The following RORA variants were observed in gnomAD, a reference collection of about 807,000 sequenced individuals.
RORA encodes RAR related orphan receptor A.
Under a neutral mutation model 69.5 loss-of-function variants are expected in RORA, and 7 were observed. That is an observed-to-expected ratio of 0.10 (90% CI 0.06 to 0.19). The LOEUF (loss-of-function observed/expected upper bound fraction) is 0.19, where lower values mean the gene tolerates loss of function less well. RORA is among the 10% of genes least tolerant of loss of function. The pLI, the probability that RORA is intolerant of heterozygous loss-of-function variation, is 1.00. For synonymous variants in RORA, 261 were observed against 240.8 expected, an observed-to-expected ratio of 1.08 and a Z score of -0.78; for missense variants, 457 against 663.0, an observed-to-expected ratio of 0.69 and a Z score of 3.41.
At chr15:61,190,923 T>G (rs994237826) in intron 1 of RORA, among the ~76,000 whole-genome samples, 4 of 151,988 alleles carry the variant, frequency 2.6e-5, no homozygotes, top group Non-Finnish European at 5.9e-5. Flanking sequence ...TGGCTTTCCT[T>G]AAAAACTAAA....
chr15:61,146,483 C>T (rs534796703), intron 1 of RORA, among the ~76,000 whole-genome samples: 131 of 151,082 alleles, frequency 8.7e-4, no homozygotes, highest in African/African-American at 2.1e-3. Flanking sequence ...CACACACACA[C>T]GCACACACAG....
intron 1 of RORA, among the ~76,000 whole-genome samples, chr15:60,853,395 T>C (rs931869710): frequency 4.6e-5 from 7 of 152,202 alleles, no homozygotes; most frequent in African/African-American, 1.7e-4. Context: ...ATGGAGTGAC[T>C]GTAACCTTTT....
chr15:60,528,896 A>T (rs999775327), intron 3 of RORA: 1 of 152,192 alleles, frequency 6.6e-6, no homozygotes, highest in Non-Finnish European at 1.5e-5. Flanking sequence ...TGGGATTTCA[A>T]CTCGGGCAGT....
chr15:60,631,972 G>A (rs2069746794), intron 2 of RORA, among the ~76,000 whole-genome samples: 1 of 152,152 alleles, frequency 6.6e-6, no homozygotes, highest in Admixed American at 6.5e-5. Flanking sequence ...TAGAAGGTGG[G>A]TATACTTTTA....
At chr15:60,964,792 C>T (rs1893505885) in intron 1 of RORA, among the ~76,000 whole-genome samples, 1 of 152,170 alleles carries the variant, frequency 6.6e-6, no homozygotes, top group Non-Finnish European at 1.5e-5. Flanking sequence ...AAGAGCGCCA[C>T]AGTTGCTGAT....
chr15:60,501,096 T>G (rs767357553), intron 8 of RORA, 27 bp from the exon 9 acceptor site: 1 of 1,354,360 alleles, frequency 7.4e-7, no homozygotes, highest in Non-Finnish European at 1.0e-6. Context: ...AAAGACAGTT[T>G]AGAATTTTGA....
At chr15:61,110,729 T>A (rs2140782118) in intron 1 of RORA, among the ~76,000 whole-genome samples, 1 of 152,304 alleles carries the variant, frequency 6.6e-6, no homozygotes, top group East Asian at 1.9e-4. Context: ...CCTAGAACTC[T>A]CTTCCACTAC....
chr15:60,849,419 G>A lies in RORA; in HGVS notation c.167-170733C>T, dbSNP rs567369345. 3.5e-4 allele frequency among the ~76,000 whole-genome samples: 54 copies of A among 152,210 alleles called. 1 individual carries two copies. Among genetic ancestry groups the A allele is most frequent in the African/African-American group, 1.2e-3 (51 of 41,514 alleles). On this transcript the variant is annotated intron_variant, in intron 1 of 10. Transcript: ENST00000335670. The stretch of plus-strand genomic sequence containing the variant: ...CACCCCAAATATTAATAGATGAAAC[G>A]GACAACATTGACAGATACAGATATT...
At chr15:61,115,887 G>T (rs565591393) in intron 1 of RORA, among the ~76,000 whole-genome samples, 1 of 152,194 alleles carries the variant, frequency 6.6e-6, no homozygotes, top group African/African-American at 2.4e-5. Flanking sequence ...GTCATGAGCT[G>T]TGTTTCGCAC....
chr15:61,136,358 G>C (rs558708065), intron 1 of RORA, among the ~76,000 whole-genome samples: 1 of 152,340 alleles, frequency 6.6e-6, no homozygotes, highest in South Asian at 2.1e-4. Flanking sequence ...TGTGATGCTA[G>C]AGTTGGGTCC....
chr15:61,017,702 G>A (rs2140407588), intron 1 of RORA, among the ~76,000 whole-genome samples: 1 of 152,152 alleles, frequency 6.6e-6, no homozygotes, highest in South Asian at 2.1e-4. Flanking sequence ...TCAGCCACGA[G>A]CCCCCCAAAA....
intron 1 of RORA, among the ~76,000 whole-genome samples, chr15:61,120,240 T>C (rs1424959273): frequency 6.6e-6 from 1 of 152,154 alleles, no homozygotes; most frequent in Non-Finnish European, 1.5e-5. Flanking sequence ...TTGCATCCTT[T>C]ACTGGCTTAA....
chr15:60,819,798 T>C (rs981568032), intron 1 of RORA, among the ~76,000 whole-genome samples: 1 of 106,706 alleles, frequency 9.4e-6, no homozygotes, highest in Non-Finnish European at 1.9e-5. Flanking sequence ...CACACACGGG[T>C]TGCTTTTTCA....
At chr15:60,850,447 T>C (rs547892115) in intron 1 of RORA, among the ~76,000 whole-genome samples, 1 of 152,194 alleles carries the variant, frequency 6.6e-6, no homozygotes, top group Admixed American at 6.5e-5. Context: ...TGACTCCACA[T>C]GACTCCTGGG....
chr15:60,781,417 C>G (rs2072252406), intron 1 of RORA, among the ~76,000 whole-genome samples: 1 of 152,196 alleles, frequency 6.6e-6, no homozygotes. Flanking sequence ...GAGAGTCATT[C>G]ATTCCAGTTC....
intron 1 of RORA, among the ~76,000 whole-genome samples, chr15:60,977,710 T>C (rs1893917798): frequency 6.6e-6 from 1 of 152,216 alleles, no homozygotes; most frequent in Non-Finnish European, 1.5e-5. Flanking sequence ...AAGCACACTG[T>C]ATGTGTCATT....
intron 10 of RORA, among the ~76,000 whole-genome samples, chr15:60,499,298 G>C (rs1356738917): frequency 6.6e-6 from 1 of 152,172 alleles, no homozygotes. Flanking sequence ...ATGGGAGGTG[G>C]AGGAGGGAGG....
chr15:61,085,501 C>A (rs1211130978), intron 1 of RORA, among the ~76,000 whole-genome samples: 3 of 152,226 alleles, frequency 2.0e-5, no homozygotes, highest in East Asian at 3.8e-4. Context: ...GACTCGTGGG[C>A]CCGCCTGAAA....
At chr15:60,556,822 C>G in intron 2 of RORA, 3 of 1,537,452 alleles carry the variant, frequency 2.0e-6, no homozygotes, top group Non-Finnish European at 2.7e-6. Flanking sequence ...ATGAAGAAAC[C>G]TTGCAAATTA....
Sources: gnomAD v4.1 joint callset for allele counts (sites outside exome capture counted in the v4.1 genomes callset) on GRCh38, gnomAD v4.1.1 for gene constraint, MANE v1.5 for transcripts, NCBI Gene and HGNC (gene_info 2026-07-23, HGNC 2026-07-21) for gene names.